Variants in GRIN2A observed in about 807,000 individuals in gnomAD.
GRIN2A encodes glutamate receptor ionotropic, NMDA 2A.
In GRIN2A, 22 loss-of-function variants were observed where a neutral mutation model predicts 113.4. The ratio of observed to expected loss-of-function variants is 0.19; its 90% CI spans 0.14 to 0.28. The LOEUF is 0.28. Ranked by LOEUF, GRIN2A falls within the 10% of genes least tolerant of loss-of-function variation. The pLI is 1.00. For missense variants in GRIN2A, 1,502 were observed against 1,887.0 expected, an observed-to-expected ratio of 0.80 and a Z score of 3.78; for synonymous variants, 827 against 738.4, an observed-to-expected ratio of 1.12 and a Z score of -1.94.
chr16:9,973,462 G>A (rs1417748392), intron 2 of GRIN2A, among the ~76,000 whole-genome samples: 2 of 152,112 alleles, frequency 1.3e-5, no homozygotes, highest in Admixed American at 1.3e-4. Context: ...TTTTGCAAAG[G>A]TGGTTTCAAA....
intron 2 of GRIN2A, among the ~76,000 whole-genome samples, chr16:10,102,244 C>G (rs142491706): frequency 0.01 from 1,570 of 152,368 alleles, 21 homozygotes; most frequent in Non-Finnish European, 0.013. Flanking sequence ...CCCTCATGAA[C>G]AGCCTAGCAC....
chr16:9,859,173 TCACA>T (rs929695814), intron 4 of GRIN2A, among the ~76,000 whole-genome samples: 1 of 152,036 alleles, frequency 6.6e-6, no homozygotes, highest in Admixed American at 6.6e-5. Context: ...TCTCTCATTC[TCACA>T]CACATCGTCA....
At chr16:10,078,051 T>C (rs1182868755) in intron 2 of GRIN2A, among the ~76,000 whole-genome samples, 3 of 152,208 alleles carry the variant, frequency 2.0e-5, no homozygotes, top group African/African-American at 4.8e-5. Flanking sequence ...CTGAATACCA[T>C]TGTGGTGATG....
intron 11 of GRIN2A, among the ~76,000 whole-genome samples, chr16:9,794,910 G>A (rs1902871839): frequency 7.9e-6 from 1 of 127,268 alleles, no homozygotes; most frequent in Non-Finnish European, 1.6e-5. Context: ...GGGCAACTAT[G>A]GTGATGATGA....
chr16:10,117,310 G>C (rs2048745765), intron 2 of GRIN2A, among the ~76,000 whole-genome samples: 1 of 152,138 alleles, frequency 6.6e-6, no homozygotes, highest in Non-Finnish European at 1.5e-5. Flanking sequence ...CTTATCTTTA[G>C]AGACGCATAT....
chr16:9,892,735 G>A (rs527836329), intron 3 of GRIN2A, among the ~76,000 whole-genome samples: 2 of 152,050 alleles, frequency 1.3e-5, no homozygotes, highest in African/African-American at 2.4e-5. Flanking sequence ...CGGGTGAGAG[G>A]TTCCCCAAGG....
chr16:10,133,713 T>C (rs747959060), intron 2 of GRIN2A, among the ~76,000 whole-genome samples: 24 of 152,252 alleles, frequency 1.6e-4, no homozygotes, highest in Non-Finnish European at 2.8e-4. Flanking sequence ...CTGAGCATGA[T>C]CCCTCCTGGG....
At chr16:10,104,164 C>T (rs1351564919) in intron 2 of GRIN2A, among the ~76,000 whole-genome samples, 3 of 152,238 alleles carry the variant, frequency 2.0e-5, no homozygotes, top group Non-Finnish European at 1.5e-5. Context: ...TGCTATTTCT[C>T]TTAACACAAA....
chr16:9,833,874 C>G (rs994135738), intron 8 of GRIN2A, among the ~76,000 whole-genome samples: 2 of 152,106 alleles, frequency 1.3e-5, no homozygotes, highest in Non-Finnish European at 2.9e-5. Flanking sequence ...TGTGTGCCAC[C>G]ATGCCCAGCT....
At chr16:9,803,846 A>G (rs987073749) in intron 10 of GRIN2A, among the ~76,000 whole-genome samples, 33 of 152,200 alleles carry the variant, frequency 2.2e-4, no homozygotes, top group African/African-American at 7.2e-4. Flanking sequence ...CATGCTATCC[A>G]TAAGACTTGT....
chr16:9,760,532 C>T lies in GRIN2A; in HGVS notation c.*2617G>A, dbSNP rs62034910. 4.5e-6 allele frequency: 1 copy of T among 220,598 alleles called. No individual in the cohort carries two copies. Among genetic ancestry groups the T allele is most frequent in the Non-Finnish European group, 9.1e-6 (1 of 110,346 alleles). The allele number at this position is 220,598 out of a possible 1,614,324, so 13.7% of individuals were successfully genotyped here. A position where few individuals can be genotyped will look rare whatever the true frequency, so the allele number is the denominator to read the frequency against. ...GTGAAAAGAATATATATTTTTTTCACAACATTACTGTTGATTCTTCCAAAG... is the reference window on the plus strand; with the variant it reads ...GTGAAAAGAATATATATTTTTTTCATAACATTACTGTTGATTCTTCCAAAG... On this transcript the variant is annotated 3_prime_UTR_variant, in exon 13 of 13. Coordinates refer to ENST00000330684, the MANE Select transcript of GRIN2A (RefSeq NM_001134407.3).
At chr16:9,810,093 G>C (rs186952632) in intron 10 of GRIN2A, among the ~76,000 whole-genome samples, 2 of 152,290 alleles carry the variant, frequency 1.3e-5, no homozygotes, top group East Asian at 3.9e-4. Context: ...CTGGCATGGA[G>C]TGAGGGCTAC....
chr16:10,143,330 G>A (rs1027378842), intron 2 of GRIN2A, among the ~76,000 whole-genome samples: 37 of 152,124 alleles, frequency 2.4e-4, no homozygotes, highest in African/African-American at 8.0e-4. Context: ...ATTTTAGATG[G>A]TGCAGGGATA....
intron 2 of GRIN2A, among the ~76,000 whole-genome samples, chr16:9,955,188 A>C (rs189000698): frequency 1.7e-3 from 258 of 152,288 alleles, no homozygotes; most frequent in African/African-American, 5.6e-3. Context: ...AATACCACAA[A>C]TCACCACATG....
At chr16:10,038,068 C>A (rs80063661) in intron 2 of GRIN2A, among the ~76,000 whole-genome samples, 2 of 146,830 alleles carry the variant, frequency 1.4e-5, no homozygotes, top group Admixed American at 1.4e-4. Context: ...ACATAAACTG[C>A]GCGTAAAAAC....
chr16:9,870,120 T>C (rs143405208), intron 4 of GRIN2A, among the ~76,000 whole-genome samples: 31 of 152,372 alleles, frequency 2.0e-4, no homozygotes, highest in Non-Finnish European at 3.8e-4. Context: ...AATATAATTC[T>C]GTGCACGGAG....
chr16:9,833,485 T>C (rs935008780), intron 8 of GRIN2A, among the ~76,000 whole-genome samples: 1 of 152,212 alleles, frequency 6.6e-6, no homozygotes, highest in African/African-American at 2.4e-5. Flanking sequence ...ATTTTAGCAT[T>C]TGACAAGCAT....
intron 2 of GRIN2A, among the ~76,000 whole-genome samples, chr16:9,954,385 A>C (rs1269788419): frequency 1.3e-5 from 2 of 152,242 alleles, no homozygotes; most frequent in Non-Finnish European, 2.9e-5. Context: ...CACTCTCTGG[A>C]GTTAAGACGG....
At chr16:9,976,481 T>G (rs1467233283) in intron 2 of GRIN2A, among the ~76,000 whole-genome samples, 1 of 152,206 alleles carries the variant, frequency 6.6e-6, no homozygotes, top group Non-Finnish European at 1.5e-5. Context: ...TCTGTGAGTC[T>G]TTTATTAGCA....
Sources: gnomAD v4.1 joint callset for allele counts (sites outside exome capture counted in the v4.1 genomes callset) on GRCh38, gnomAD v4.1.1 for gene constraint, MANE v1.5 for transcripts, NCBI Gene and HGNC (gene_info 2026-07-23, HGNC 2026-07-21) for gene names.